ADGRA3: variants seen among roughly 807,000 people sequenced by gnomAD.
The protein encoded by ADGRA3 is G-protein coupled receptor 125.
A neutral mutation model predicts 119.8 loss-of-function variants in ADGRA3; 56 were observed. The observed-to-expected ratio is 0.47, with a 90% CI of 0.38 to 0.58. The LOEUF (loss-of-function observed/expected upper bound fraction) is 0.58. ADGRA3 is among the 20% of genes least tolerant of loss of function. The probability of loss-of-function intolerance (pLI) is 0.00; values close to 1 mark genes in which losing one functional copy is unlikely to be tolerated. For missense variants in ADGRA3, 1,516 were observed against 1,649.0 expected, an observed-to-expected ratio of 0.92 and a Z score of 1.40; for synonymous variants, 607 against 623.8, an observed-to-expected ratio of 0.97 and a Z score of 0.40.
At position 22,515,509 on chromosome 4, in the gene ADGRA3, C is replaced by G. The variant is rs946954552; in HGVS notation, c.257+19G>C. The G allele has an allele frequency of 2.5e-6, 4 of 1,599,882 alleles. No homozygotes were observed. Among genetic ancestry groups the G allele is most frequent in the Non-Finnish European group, 3.4e-6 (4 of 1,172,766 alleles). On this transcript the variant is annotated intron_variant, in intron 1 of 18. Coordinates refer to ENST00000334304, the MANE Select transcript of ADGRA3 (RefSeq NM_145290.4). ...AAGAGCCGAGCGGGAGAGGACCCAG[C>G]GTCGCGGGAGATACTCACAGGGTGA...
chr4:22,462,862 C>T (rs1372298379), intron 2 of ADGRA3, among the ~76,000 whole-genome samples: 1 of 152,204 alleles, frequency 6.6e-6, no homozygotes, highest in African/African-American at 2.4e-5. Flanking sequence ...ACTATGGCTA[C>T]AGCTCCCCTC....
intron 1 of ADGRA3, among the ~76,000 whole-genome samples, chr4:22,477,370 GAA>G (rs1271931368): frequency 6.6e-6 from 1 of 152,052 alleles, no homozygotes; most frequent in Non-Finnish European, 1.5e-5. Context: ...TTAAGACAAA[GAA>G]AAAATTAGAG....
intron 12 of ADGRA3, chr4:22,414,040 A>C: frequency 2.6e-6 from 1 of 390,144 alleles, no homozygotes; most frequent in East Asian, 4.3e-5. Flanking sequence ...TTAAAGAGTT[A>C]AATAAGTAAA....
intron 3 of ADGRA3, among the ~76,000 whole-genome samples, chr4:22,456,177 C>T (rs943277766): frequency 6.6e-6 from 1 of 152,120 alleles, no homozygotes; most frequent in Admixed American, 6.5e-5. Flanking sequence ...AGGTACCTAA[C>T]TCGTTTGTTT....
At chr4:22,415,440 TCTCA>T (rs1715389758) in intron 12 of ADGRA3, among the ~76,000 whole-genome samples, 1 of 152,164 alleles carries the variant, frequency 6.6e-6, no homozygotes, top group African/African-American at 2.4e-5. Context: ...TTCCTGCTAT[TCTCA>T]CTCACAAATA....
intron 2 of ADGRA3, among the ~76,000 whole-genome samples, chr4:22,466,390 A>G (rs1717659378): frequency 1.3e-5 from 2 of 152,146 alleles, no homozygotes; most frequent in Admixed American, 1.3e-4. Flanking sequence ...TCACCCACGT[A>G]TCCTTGAGGC....
intron 4 of ADGRA3, among the ~76,000 whole-genome samples, chr4:22,450,673 T>C (rs1005136419): frequency 6.6e-6 from 1 of 152,136 alleles, no homozygotes; most frequent in African/African-American, 2.4e-5. Context: ...CATCATCTAT[T>C]ATACAGAAGC....
rs1408402615 is a variant in ADGRA3, at chr4:22,434,748, T to C, written c.1443+563A>G. Among the ~76,000 whole-genome samples the C allele has an allele frequency of 2.0e-5, 3 of 152,196 alleles. No individual in the cohort carries two copies. In the East Asian group the frequency reaches 5.8e-4, roughly 29 times the overall value. On this transcript the variant is annotated intron_variant, in intron 10 of 18. Coordinates refer to ENST00000334304, the MANE Select transcript of ADGRA3 (RefSeq NM_145290.4). ...AATTTTTTTCCCCTAAAAGATATCA[T>C]GTGGACAAGCATATCATGGTTTCAA...
chr4:22,391,929 C>T (rs901427072), intron 17 of ADGRA3, among the ~76,000 whole-genome samples: 10 of 152,056 alleles, frequency 6.6e-5, no homozygotes, highest in Non-Finnish European at 1.0e-4. Context: ...AACCTATCTC[C>T]ACTATGCTTC....
intron 1 of ADGRA3, among the ~76,000 whole-genome samples, chr4:22,510,060 C>T (rs962370282): frequency 2.0e-5 from 3 of 151,016 alleles, no homozygotes; most frequent in Non-Finnish European, 4.4e-5. Context: ...CACTCCCAGG[C>T]TCCCAAGCTT....
chr4:22,409,930 G>A (rs1715124360), intron 14 of ADGRA3, among the ~76,000 whole-genome samples: 2 of 152,314 alleles, frequency 1.3e-5, no homozygotes, highest in South Asian at 4.1e-4. Flanking sequence ...GTATGTTAAT[G>A]TGTAGAAATA....
intron 6 of ADGRA3, chr4:22,443,107 T>A: frequency 2.9e-6 from 2 of 679,836 alleles, no homozygotes; most frequent in Non-Finnish European, 5.3e-6. Context: ...TTCAGTGGCA[T>A]CCTAAGAGTA....
intron 7 of ADGRA3, among the ~76,000 whole-genome samples, chr4:22,441,397 C>G (rs979705397): frequency 6.6e-6 from 1 of 152,192 alleles, no homozygotes; most frequent in Admixed American, 6.5e-5. Flanking sequence ...TAACAGAATC[C>G]AGAGTCAGAG....
chr4:22,475,523 C>T (rs78648974), intron 1 of ADGRA3, among the ~76,000 whole-genome samples: 14 of 152,024 alleles, frequency 9.2e-5, no homozygotes, highest in Non-Finnish European at 1.9e-4. Flanking sequence ...GTCAGGAGAT[C>T]GAGACCATCC....
At chr4:22,493,125 C>T (rs189103452) in intron 1 of ADGRA3, among the ~76,000 whole-genome samples, 6 of 152,296 alleles carry the variant, frequency 3.9e-5, no homozygotes, top group Admixed American at 3.3e-4. Flanking sequence ...CCACCACACA[C>T]AGCTAGTTTT....
chr4:22,478,521 T>C (rs536880003), intron 1 of ADGRA3, among the ~76,000 whole-genome samples: 25 of 152,260 alleles, frequency 1.6e-4, no homozygotes, highest in African/African-American at 5.3e-4. Context: ...GCATCAACCA[T>C]TGTAGGGAAA....
At chr4:22,409,896 T>C (rs561456384) in intron 14 of ADGRA3, among the ~76,000 whole-genome samples, 2 of 152,180 alleles carry the variant, frequency 1.3e-5, no homozygotes, top group Non-Finnish European at 2.9e-5. Context: ...ATACGAGAGA[T>C]AGGTAGGACT....
intron 13 of ADGRA3, 34 bp from the exon 14 acceptor site, chr4:22,413,424 A>T: frequency 6.4e-7 from 1 of 1,571,276 alleles, no homozygotes; most frequent in Non-Finnish European, 8.8e-7. Flanking sequence ...TATTTCTGAA[A>T]CAAACTTCAT....
chr4:22,445,630 T>C (rs893517646), intron 5 of ADGRA3, among the ~76,000 whole-genome samples: 3 of 152,220 alleles, frequency 2.0e-5, no homozygotes, highest in African/African-American at 7.2e-5. Context: ...TTTATGGCTA[T>C]ATTCTGTATG....
Sources: allele counts gnomAD v4.1 joint callset (sites outside exome capture counted in the v4.1 genomes callset), GRCh38; gene constraint gnomAD v4.1.1; transcripts MANE v1.5; gene names NCBI Gene and HGNC (gene_info 2026-07-23, HGNC 2026-07-21).